Variants in ZNF334 observed in about 807,000 individuals in gnomAD.
ZNF334 encodes the protein zinc finger protein 334.
ZNF334 carries 14 observed loss-of-function variants against 12.4 expected under a neutral mutation model. The ratio of observed to expected loss-of-function variants is 1.13; its 90% CI spans 0.74 to 1.76. The LOEUF (loss-of-function observed/expected upper bound fraction) is 1.76, where lower values mean the gene tolerates loss of function less well. Among genes scored for constraint, ZNF334 ranks in the 40% most tolerant of loss-of-function variants. ZNF334 has a pLI of 0.00. For missense variants in ZNF334, 797 were observed against 804.5 expected (o/e 0.99, Z 0.11); for synonymous variants, 273 against 269.6 (o/e 1.01, Z -0.12).
At chr20:46,506,349 G>A (rs754572027) in intron 2 of ZNF334, 1 of 639,112 alleles carries the variant, frequency 1.6e-6, no homozygotes, top group South Asian at 1.7e-5. Flanking sequence ...CACATGGCCA[G>A]GTGTGGTGGC....
the ZNF334 span, among the ~76,000 whole-genome samples, chr20:46,467,170 G>A: frequency 2.6e-5 from 4 of 152,242 alleles, no homozygotes; most frequent in Admixed American, 2.6e-4. Context: ...TAATGCAGGT[G>A]TCTTCCTGCT....
chr20:46,489,429 G>C, the ZNF334 span, among the ~76,000 whole-genome samples: 1 of 152,062 alleles, frequency 6.6e-6, no homozygotes, highest in African/African-American at 2.4e-5. Context: ...ACCACTTTGG[G>C]AGGCTGAGGC....
At chr20:46,476,303 A>T in the ZNF334 span, 1 of 152,238 alleles carries the variant, frequency 6.6e-6, no homozygotes, top group Non-Finnish European at 1.5e-5. Flanking sequence ...AACACCAGAG[A>T]TCCTGGAGGT....
chr20:46,511,985 G>T, intron 2 of ZNF334, 97 bp downstream of exon 2: 1 of 1,214,060 alleles, frequency 8.2e-7, no homozygotes, highest in Non-Finnish European at 1.2e-6. Flanking sequence ...ACTCTTCTCT[G>T]ATGCTGAATT....
rs548622176 is a variant in ZNF334, at chr20:46,512,160, G to A, written c.-38-20C>T. 4.4e-6 allele frequency: 7 copies of A among 1,595,630 alleles called. No individual in the cohort carries two copies. The highest frequency in any genetic ancestry group is 3.3e-5 in the Admixed American group (2 of 59,844). On this transcript the variant is annotated intron_variant, in intron 1 of 4. Coordinates refer to ENST00000692313, the MANE Select transcript of ZNF334 (RefSeq NM_001353824.2). ...GCAGAGCTGGGTAAGGAAGAATGGC[G>A]AATGGAATCATGAGCGATTTGGCTC...
intron 4 of ZNF334, 123 bp downstream of exon 4, chr20:46,504,091 T>C (rs2061345101): frequency 1.7e-6 from 1 of 585,868 alleles, no homozygotes; most frequent in Admixed American, 3.3e-5. Flanking sequence ...CCTCAATCAC[T>C]TCTAAAGGTC....
At chr20:46,511,401 G>T (rs6017885) in intron 2 of ZNF334, among the ~76,000 whole-genome samples, 14 of 152,250 alleles carry the variant, frequency 9.2e-5, no homozygotes, top group African/African-American at 3.4e-4. Flanking sequence ...AAAATATTTA[G>T]GTTACTGCTA....
At chr20:46,497,408 G>A (rs1369203963), downstream of ZNF334, among the ~76,000 whole-genome samples, 4 of 152,280 alleles carry the variant, frequency 2.6e-5, no homozygotes, top group South Asian at 8.3e-4. Context: ...AAGTCCATAG[G>A]CAAACCGTTA....
the ZNF334 span, among the ~76,000 whole-genome samples, chr20:46,466,374 G>T: frequency 6.6e-6 from 1 of 152,050 alleles, no homozygotes; most frequent in Non-Finnish European, 1.5e-5. Flanking sequence ...CCATAAAAAT[G>T]ATCTATGAAT....
downstream of ZNF334, among the ~76,000 whole-genome samples, chr20:46,498,181 C>G (rs1203807725): frequency 1.3e-5 from 2 of 152,210 alleles, no homozygotes; most frequent in Non-Finnish European, 2.9e-5. Context: ...CCTCTGGTAG[C>G]TAGCCTGTGA....
the ZNF334 span, among the ~76,000 whole-genome samples, chr20:46,466,690 G>C: frequency 1.3e-5 from 2 of 152,026 alleles, no homozygotes; most frequent in Non-Finnish European, 2.9e-5. Context: ...TGCCATTTTG[G>C]CCAAGCTGGT....
chr20:46,470,996 G>A, the ZNF334 span, among the ~76,000 whole-genome samples: 9 of 152,106 alleles, frequency 5.9e-5, no homozygotes, highest in African/African-American at 2.2e-4. Flanking sequence ...AAGTTATAGG[G>A]TACAGATATC....
chr20:46,466,277 AC>A, the ZNF334 span, among the ~76,000 whole-genome samples: 1 of 152,170 alleles, frequency 6.6e-6, no homozygotes, highest in Non-Finnish European at 1.5e-5. Flanking sequence ...GTAAAAACAC[AC>A]TTAGAAAATA....
chr20:46,502,535 A>C lies in ZNF334; in HGVS notation c.804T>G (p.Ser268Arg), dbSNP rs776606344. 1 of 1,613,260 alleles carries C rather than the reference A, an allele frequency of 6.2e-7. No homozygotes were observed. Among genetic ancestry groups the C allele is most frequent in the Non-Finnish European group, 8.5e-7 (1 of 1,179,654 alleles). ...IHTGEKPYVC[S>R]DCRKTFRVKT... Reference sequence around the variant, plus strand: ...TCACACGAAAAGTTTTCCTACAATCACTACAAACATACGGTTTCTCCCCTG... The same window carrying C: ...TCACACGAAAAGTTTTCCTACAATCCCTACAAACATACGGTTTCTCCCCTG... Residue 268 changes from serine to arginine, a missense_variant, in exon 5 of 5, where the codon AGT becomes AGG. Coordinates refer to ENST00000692313, the MANE Select transcript of ZNF334 (RefSeq NM_001353824.2).
chr20:46,504,145 C>T (rs1397475921), intron 4 of ZNF334, 69 bp downstream of exon 4: 1 of 1,103,460 alleles, frequency 9.1e-7, no homozygotes, highest in Non-Finnish European at 1.3e-6. Context: ...ACGATGCCAA[C>T]TATTACCACC....
downstream of ZNF334, among the ~76,000 whole-genome samples, chr20:46,494,842 A>G (rs2060994360): frequency 6.6e-6 from 1 of 152,168 alleles, no homozygotes; most frequent in Admixed American, 6.5e-5. Flanking sequence ...CACCATCACT[A>G]AACTCAAAAA....
chr20:46,474,103 T>C, the ZNF334 span, among the ~76,000 whole-genome samples: 1 of 152,136 alleles, frequency 6.6e-6, no homozygotes, highest in African/African-American at 2.4e-5. Context: ...GGCCGGGCGC[T>C]GTGGCTCACG....
chr20:46,463,825 G>A, the ZNF334 span: 23 of 356,046 alleles, frequency 6.5e-5, no homozygotes, highest in Admixed American at 1.0e-4. Flanking sequence ...CATGGGCACT[G>A]TCACACCACC....
chr20:46,482,990 T>C, the ZNF334 span, among the ~76,000 whole-genome samples: 29,203 of 152,086 alleles, frequency 0.19, 2,949 homozygotes, highest in African/African-American at 0.25. Flanking sequence ...TTAGAATTTC[T>C]GAGTCAAGGG....
Sources: allele counts gnomAD v4.1 joint callset (sites outside exome capture counted in the v4.1 genomes callset), GRCh38; gene constraint gnomAD v4.1.1; transcripts MANE v1.5; gene names NCBI Gene and HGNC (gene_info 2026-07-23, HGNC 2026-07-21).